Variants in PLXDC2 observed in about 807,000 individuals in gnomAD.
PLXDC2 encodes plexin domain containing 2, also known as plexin domain-containing protein 2.
In PLXDC2, 40 loss-of-function variants were observed where a neutral mutation model predicts 68.9. That is an observed-to-expected ratio of 0.58 (90% CI 0.45 to 0.76). The LOEUF is 0.76. Among genes scored for constraint, PLXDC2 ranks in the 30% least tolerant of loss-of-function variants. The probability of loss-of-function intolerance (pLI) is 0.00; values close to 1 mark genes in which losing one functional copy is unlikely to be tolerated. For missense variants in PLXDC2, 644 were observed against 661.9 expected, an observed-to-expected ratio of 0.97 and a Z score of 0.30; for synonymous variants, 243 against 234.2, an observed-to-expected ratio of 1.04 and a Z score of -0.34.
At chr10:20,028,933 G>A (rs1284828687) in intron 2 of PLXDC2, among the ~76,000 whole-genome samples, 2 of 152,116 alleles carry the variant, frequency 1.3e-5, no homozygotes, top group Non-Finnish European at 1.5e-5. Flanking sequence ...GACATTCGAG[G>A]CTTTGTGCAT....
intron 12 of PLXDC2, among the ~76,000 whole-genome samples, chr10:20,242,094 T>C (rs1409258436): frequency 6.6e-6 from 1 of 152,154 alleles, no homozygotes; most frequent in East Asian, 1.9e-4. Flanking sequence ...ATATCTACTA[T>C]TTTTGCTACA....
chr10:19,839,745 A>G (rs1034417661), intron 1 of PLXDC2, among the ~76,000 whole-genome samples: 18 of 151,938 alleles, frequency 1.2e-4, no homozygotes, highest in African/African-American at 4.1e-4. Context: ...TACTAGAGAT[A>G]CTCGACAGAG....
intron 1 of PLXDC2, among the ~76,000 whole-genome samples, chr10:19,993,945 C>T (rs1834795047): frequency 1.3e-5 from 2 of 152,176 alleles, no homozygotes; most frequent in South Asian, 2.1e-4. Flanking sequence ...TAATTCTCTG[C>T]TGCCTCAGAG....
At chr10:20,113,088 A>C (rs1564319459) in intron 4 of PLXDC2, among the ~76,000 whole-genome samples, 1 of 152,194 alleles carries the variant, frequency 6.6e-6, no homozygotes, top group Non-Finnish European at 1.5e-5. Flanking sequence ...GCAATGGAGA[A>C]TACTGATCAG....
At chr10:19,937,518 G>A (rs1833743646) in intron 1 of PLXDC2, among the ~76,000 whole-genome samples, 2 of 133,958 alleles carry the variant, frequency 1.5e-5, no homozygotes, top group Non-Finnish European at 3.1e-5. Context: ...TAATGTTACT[G>A]GAATACATAT....
chr10:20,247,296 C>CA (rs77665495), intron 13 of PLXDC2, among the ~76,000 whole-genome samples: 35,704 of 96,198 alleles, frequency 0.37, 5,594 homozygotes, highest in African/African-American at 0.52. Flanking sequence ...TTCATCTCTA[C>CA]AAAAAAAAAA....
At chr10:19,868,276 G>T (rs1326240) in intron 1 of PLXDC2, among the ~76,000 whole-genome samples, 16,727 of 151,872 alleles carry the variant, frequency 0.11, 1,102 homozygotes, top group Admixed American at 0.21. Flanking sequence ...CCTCCCACCC[G>T]CCACCCTCAA....
chr10:20,139,013 A>G (rs1589648844), intron 4 of PLXDC2, among the ~76,000 whole-genome samples: 1 of 152,240 alleles, frequency 6.6e-6, no homozygotes, highest in East Asian at 1.9e-4. Flanking sequence ...TCAGATTAGT[A>G]AATACATAGT....
At chr10:19,932,445 C>T (rs550473884) in intron 1 of PLXDC2, among the ~76,000 whole-genome samples, 1 of 152,324 alleles carries the variant, frequency 6.6e-6, no homozygotes, top group East Asian at 1.9e-4. Context: ...TATCTTTCAG[C>T]ACGTATTAAA....
chr10:20,060,520 G>A lies in PLXDC2; in HGVS notation c.472-7650G>A, dbSNP rs146162535. On this transcript the variant is annotated intron_variant, in intron 3 of 13. Transcript: ENST00000377252. ...AAAAAAAAAAAAAAAAGTCATTGAG[G>A]CTGGGCTGGTCGCTGGGCGAGCAGG... 2.8e-3 allele frequency among the ~76,000 whole-genome samples: 426 copies of A among 151,684 alleles called. 3 individuals are homozygous for A. The highest frequency in any genetic ancestry group is 9.1e-3 in the African/African-American group (376 of 41,334).
At chr10:19,896,192 G>T (rs1242226321) in intron 1 of PLXDC2, among the ~76,000 whole-genome samples, 1 of 152,206 alleles carries the variant, frequency 6.6e-6, no homozygotes, top group Non-Finnish European at 1.5e-5. Context: ...CCCATGAGCT[G>T]ACTGTATAAC....
chr10:20,272,423 T>A (rs1185381115), intron 13 of PLXDC2, among the ~76,000 whole-genome samples: 1 of 152,006 alleles, frequency 6.6e-6, no homozygotes, highest in Admixed American at 6.6e-5. Flanking sequence ...AAAAAGTAAT[T>A]ATTTAAAAAA....
At chr10:19,890,664 C>A (rs1012492292) in intron 1 of PLXDC2, among the ~76,000 whole-genome samples, 11 of 139,642 alleles carry the variant, frequency 7.9e-5, no homozygotes, top group African/African-American at 2.9e-4. Flanking sequence ...CGTGAGCCAC[C>A]GCGCCCGGCT....
intron 12 of PLXDC2, among the ~76,000 whole-genome samples, chr10:20,230,301 C>T (rs1260735137): frequency 2.0e-5 from 3 of 151,796 alleles, no homozygotes; most frequent in Non-Finnish European, 4.4e-5. Context: ...AGCTGGAATG[C>T]CTATATAAAT....
At chr10:20,211,912 T>A (rs1835075193) in intron 10 of PLXDC2, among the ~76,000 whole-genome samples, 183 bp downstream of exon 10, 1 of 152,152 alleles carries the variant, frequency 6.6e-6, no homozygotes, top group African/African-American at 2.4e-5. Flanking sequence ...TTTGTTAAAT[T>A]AGATAACATT....
chr10:20,142,048 G>A (rs1589650426), intron 4 of PLXDC2, among the ~76,000 whole-genome samples: 2 of 152,132 alleles, frequency 1.3e-5, no homozygotes, highest in African/African-American at 4.8e-5. Flanking sequence ...CAAAAAGAGA[G>A]AAATTAATTT....
rs779602081 is a variant in PLXDC2, at chr10:20,282,682, G to C, written c.*2863G>C. The C allele has an allele frequency of 5.9e-5, 9 of 152,104 alleles. No individual in the cohort carries two copies. Among genetic ancestry groups the C allele is most frequent in the Non-Finnish European group, 1.0e-4 (7 of 68,008 alleles). 9.4% of individuals were successfully genotyped at this position (152,104 alleles called of 1,614,324 possible). On this transcript the variant is annotated 3_prime_UTR_variant, in exon 14 of 14. Transcript: ENST00000377252. ...TGCTCAAGGTCATCACCAAGGTCTGGTTGCAAAAATTCAAAAAATTGCAAC... is the reference window on the plus strand; with the variant it reads ...TGCTCAAGGTCATCACCAAGGTCTGCTTGCAAAAATTCAAAAAATTGCAAC...
chr10:19,826,074 A>T (rs1216221325), intron 1 of PLXDC2, among the ~76,000 whole-genome samples: 7 of 152,226 alleles, frequency 4.6e-5, no homozygotes, highest in African/African-American at 9.6e-5. Context: ...AAAAGTATAT[A>T]TGAAATAATT....
At chr10:20,063,462 T>C (rs1357061098) in intron 3 of PLXDC2, among the ~76,000 whole-genome samples, 1 of 152,188 alleles carries the variant, frequency 6.6e-6, no homozygotes, top group Non-Finnish European at 1.5e-5. Flanking sequence ...AGCTCTTTAT[T>C]AGAAGGCTTC....
Sources: gnomAD v4.1 joint callset for allele counts (sites outside exome capture counted in the v4.1 genomes callset) on GRCh38, gnomAD v4.1.1 for gene constraint, MANE v1.5 for transcripts, NCBI Gene and HGNC (gene_info 2026-07-23, HGNC 2026-07-21) for gene names.